The following ACACB variants were observed in gnomAD, a reference collection of about 807,000 sequenced individuals.
The protein encoded by ACACB is acetyl-CoA carboxylase 2.
In ACACB, 209 loss-of-function variants were observed where a neutral mutation model predicts 278.8. The ratio of observed to expected loss-of-function variants is 0.75; its 90% confidence interval spans 0.67 to 0.84. The LOEUF (loss-of-function observed/expected upper bound fraction) is 0.84, where lower values mean the gene tolerates loss of function less well. Among genes scored for constraint, ACACB ranks in the 40% least tolerant of loss-of-function variants. The probability of loss-of-function intolerance (pLI) is 0.00; values close to 1 mark genes in which losing one functional copy is unlikely to be tolerated. For missense variants in ACACB, 2,850 were observed against 3,269.0 expected, an observed-to-expected ratio of 0.87 and a Z score of 3.13; for synonymous variants, 1,174 against 1,285.6, an observed-to-expected ratio of 0.91 and a Z score of 1.86.
At chr12:109,208,811 AG>A (rs2045596066) in intron 20 of ACACB, among the ~76,000 whole-genome samples, 1 of 152,222 alleles carries the variant, frequency 6.6e-6, no homozygotes, top group Admixed American at 6.5e-5. Flanking sequence ...GGTTGCTTTT[AG>A]GGATCAAATG....
At chr12:109,179,675 G>C (rs1199364286) in intron 10 of ACACB, among the ~76,000 whole-genome samples, 1 of 152,160 alleles carries the variant, frequency 6.6e-6, no homozygotes, top group Non-Finnish European at 1.5e-5. Flanking sequence ...AATTTTTGTA[G>C]AGACAGAGTC....
intron 3 of ACACB, among the ~76,000 whole-genome samples, chr12:109,167,654 T>TAC (rs71079531): frequency 7.2e-6 from 1 of 138,750 alleles, no homozygotes; most frequent in Non-Finnish European, 1.5e-5. Flanking sequence ...TATATATATA[T>TAC]TTCAGACAAA....
At chr12:109,170,641 A>T (rs2044079498) in intron 4 of ACACB, among the ~76,000 whole-genome samples, 1 of 152,186 alleles carries the variant, frequency 6.6e-6, no homozygotes. Context: ...GTTGCCAAGG[A>T]CATGAGGGAG....
rs148418026 is a variant in ACACB, at chr12:109,266,245, A to G, written c.7260A>G (p.Glu2420=). ...SVLKTIRGLV[E]ENPEVAVDCV... ...CTCACCTCCCCCACAGCCTGGTTGA[A>G]GAAAACCCCGAGGTGGCCGTGGACT... Residue 2420 remains glutamate, a synonymous_variant, in exon 53 of 53, where the codon GAA becomes GAG. Coordinates refer to ENST00000338432, the MANE Select transcript of ACACB (RefSeq NM_001093.4). The G allele has an allele frequency of 9.8e-4, 1,582 of 1,613,032 alleles. 1 individual carries two copies. The highest frequency in any genetic ancestry group is 1.2e-3 in the Non-Finnish European group (1,470 of 1,179,588).
chr12:109,119,488 G>T (rs956386022), intron 1 of ACACB, among the ~76,000 whole-genome samples: 1 of 152,004 alleles, frequency 6.6e-6, no homozygotes, highest in Admixed American at 6.6e-5. Flanking sequence ...GACTTGGGAG[G>T]CTGAGGTAGG....
At chr12:109,246,095 A>G (rs1289558106) in intron 38 of ACACB, 84 bp from the exon 39 acceptor site, 8 of 1,445,326 alleles carry the variant, frequency 5.5e-6, no homozygotes, top group East Asian at 4.9e-5. Flanking sequence ...GTATCTAAAA[A>G]AAATAATAAT....
intron 22 of ACACB, among the ~76,000 whole-genome samples, chr12:109,213,641 C>T (rs547720289): frequency 2.4e-4 from 36 of 151,962 alleles, no homozygotes; most frequent in Non-Finnish European, 5.1e-4. Context: ...GTCGGCCAGG[C>T]TGGAGTGTAA....
chr12:109,143,085 A>G (rs1342038734), intron 2 of ACACB, among the ~76,000 whole-genome samples: 1 of 152,146 alleles, frequency 6.6e-6, no homozygotes, highest in Non-Finnish European at 1.5e-5. Flanking sequence ...AGGCTATGAT[A>G]TGGTGAACGA....
intron 35 of ACACB, among the ~76,000 whole-genome samples, chr12:109,240,555 C>T (rs887671929): frequency 5.5e-5 from 8 of 146,042 alleles, no homozygotes; most frequent in Non-Finnish European, 7.5e-5. Context: ...ATATTAATAT[C>T]GATATATTAA....
upstream of ACACB, among the ~76,000 whole-genome samples, chr12:109,113,835 A>T (rs1020520756): frequency 1.3e-5 from 2 of 152,228 alleles, no homozygotes; most frequent in Admixed American, 1.3e-4. Flanking sequence ...AAAAGACCTC[A>T]CATGCTGACT....
intron 37 of ACACB, 104 bp downstream of exon 37, chr12:109,242,696 G>C (rs879023956): frequency 7.0e-7 from 1 of 1,420,134 alleles, no homozygotes; most frequent in Non-Finnish European, 9.6e-7. Context: ...TAGTCTAAAG[G>C]ACAAGGTCTT....
intron 47 of ACACB, chr12:109,260,212 C>A: frequency 7.2e-7 from 1 of 1,388,696 alleles, no homozygotes. Flanking sequence ...TGGGTGAGGG[C>A]ATTTCAATTC....
At chr12:109,220,664 G>C (rs570709472) in intron 24 of ACACB, among the ~76,000 whole-genome samples, 11 of 152,076 alleles carry the variant, frequency 7.2e-5, no homozygotes, top group Non-Finnish European at 1.5e-4. Flanking sequence ...TGATTCTCCT[G>C]CCTCAGCCTC....
At chr12:109,144,789 C>G (rs1416841305) in intron 2 of ACACB, among the ~76,000 whole-genome samples, 5 of 109,882 alleles carry the variant, frequency 4.6e-5, no homozygotes, top group Admixed American at 2.6e-4. Flanking sequence ...GAGTCTTGCT[C>G]TGTCACCCAG....
chr12:109,260,622 G>A lies in ACACB; in HGVS notation c.6639G>A (p.Pro2213=), dbSNP rs61753862. The A allele has an allele frequency of 1.5e-4, 246 of 1,604,386 alleles. 2 individuals are homozygous for A. The South Asian group carries it at 2.5e-3, about 16-fold the overall frequency. The change falls in exon 48 of 53, where the codon CCG becomes CCA. Residue 2213 remains proline (P), a synonymous_variant. Transcript: ENST00000338432. The stretch of plus-strand genomic sequence containing the variant: ...TGGTCATAGATGCCACCATCAACCC[G>A]CTGTGCATAGAAATGTATGCAGACA... ...SWVVIDATIN[P]LCIEMYADKE...
intron 19 of ACACB, among the ~76,000 whole-genome samples, chr12:109,205,468 G>A (rs1176270323): frequency 6.9e-6 from 1 of 145,686 alleles, no homozygotes; most frequent in African/African-American, 2.6e-5. Flanking sequence ...TTTTTTTTTT[G>A]AGACAGAATT....
At chr12:109,226,205 A>G (rs893848115) in intron 27 of ACACB, among the ~76,000 whole-genome samples, 1 of 152,174 alleles carries the variant, frequency 6.6e-6, no homozygotes, top group African/African-American at 2.4e-5. Context: ...CAGGAGTTCA[A>G]GGCTGCAGTG....
intron 2 of ACACB, among the ~76,000 whole-genome samples, chr12:109,157,726 G>T (rs543352210): frequency 6.6e-6 from 1 of 152,270 alleles, no homozygotes; most frequent in African/African-American, 2.4e-5. Context: ...TGTGCTGAAG[G>T]CTCGGGCCAT....
At chr12:109,249,057 CAATT>C (rs990461653) in intron 40 of ACACB, 2 of 152,196 alleles carry the variant, frequency 1.3e-5, no homozygotes, top group African/African-American at 2.4e-5. Flanking sequence ...AGGTCTCAAT[CAATT>C]GAGAAGTTTA....
Sources: gnomAD v4.1 joint callset for allele counts (sites outside exome capture counted in the v4.1 genomes callset) on GRCh38, gnomAD v4.1.1 for gene constraint, MANE v1.5 for transcripts, NCBI Gene and HGNC (gene_info 2026-07-23, HGNC 2026-07-21) for gene names.